HTR7: variants seen among roughly 807,000 people sequenced by gnomAD.
HTR7 encodes the protein 5-hydroxytryptamine receptor 7.
A neutral mutation model predicts 34.0 loss-of-function variants in HTR7; 16 were observed. The observed-to-expected ratio is 0.47, with a 90% CI of 0.32 to 0.71. The LOEUF is 0.71. Among genes scored for constraint, HTR7 ranks in the 30% least tolerant of loss-of-function variants. The pLI, the probability that HTR7 is intolerant of heterozygous loss-of-function variation, is 0.04. For synonymous variants in HTR7, 265 were observed against 260.2 expected, an observed-to-expected ratio of 1.02 and a Z score of -0.18; for missense variants, 504 against 625.5, an observed-to-expected ratio of 0.81 and a Z score of 2.07.
chr10:90,812,990 A>G (rs1845839365), intron 1 of HTR7, among the ~76,000 whole-genome samples: 1 of 152,062 alleles, frequency 6.6e-6, no homozygotes, highest in Non-Finnish European at 1.5e-5. Flanking sequence ...AACTGATGAC[A>G]TTGTCTTGTG....
At chr10:90,818,662 C>T (rs1042473528) in intron 1 of HTR7, among the ~76,000 whole-genome samples, 1 of 152,114 alleles carries the variant, frequency 6.6e-6, no homozygotes. Flanking sequence ...CACAAAGGCC[C>T]CCACTAGATG....
intron 1 of HTR7, among the ~76,000 whole-genome samples, chr10:90,782,818 T>C (rs1845324579): frequency 6.6e-6 from 1 of 152,222 alleles, no homozygotes; most frequent in South Asian, 2.1e-4. Context: ...CGCTTCATTT[T>C]TGAGGTGTTT....
At chr10:90,846,715 A>G (rs1449139601) in intron 1 of HTR7, among the ~76,000 whole-genome samples, 1 of 152,218 alleles carries the variant, frequency 6.6e-6, no homozygotes, top group Non-Finnish European at 1.5e-5. Flanking sequence ...TTCTACTAAC[A>G]TCTCTCAAGC....
intron 1 of HTR7, among the ~76,000 whole-genome samples, chr10:90,799,356 TG>T (rs1429524824): frequency 1.3e-5 from 2 of 151,938 alleles, no homozygotes; most frequent in African/African-American, 4.8e-5. Context: ...AATGAATGAA[TG>T]AATGAATGAA....
intron 1 of HTR7, among the ~76,000 whole-genome samples, chr10:90,797,569 T>TAA (rs1413167104): frequency 6.6e-6 from 1 of 152,224 alleles, no homozygotes; most frequent in Non-Finnish European, 1.5e-5. Context: ...TTTGGGAAGG[T>TAA]GTTTACAAGA....
At chr10:90,780,257 C>G (rs549200676) in intron 1 of HTR7, among the ~76,000 whole-genome samples, 2 of 151,978 alleles carry the variant, frequency 1.3e-5, no homozygotes, top group African/African-American at 4.8e-5. Flanking sequence ...AAAATTCGGC[C>G]GGGCGCGGTG....
chr10:90,760,344 G>C (rs1012056654), intron 1 of HTR7, among the ~76,000 whole-genome samples: 3 of 152,094 alleles, frequency 2.0e-5, no homozygotes, highest in African/African-American at 7.2e-5. Context: ...GGCTGGGAAG[G>C]GTAGGAGGAA....
At chr10:90,805,429 C>T (rs1303505881) in intron 1 of HTR7, among the ~76,000 whole-genome samples, 1 of 152,160 alleles carries the variant, frequency 6.6e-6, no homozygotes, top group Non-Finnish European at 1.5e-5. Flanking sequence ...TGTAAATGCA[C>T]CTCTGTCTCT....
At chr10:90,820,820 T>G (rs1186074142) in intron 1 of HTR7, among the ~76,000 whole-genome samples, 1 of 152,146 alleles carries the variant, frequency 6.6e-6, no homozygotes, top group Non-Finnish European at 1.5e-5. Context: ...TGAAAAATAG[T>G]AAGTGGAACC....
At chr10:90,752,061 A>C (rs1207844095) in intron 1 of HTR7, among the ~76,000 whole-genome samples, 1 of 152,136 alleles carries the variant, frequency 6.6e-6, no homozygotes, top group Non-Finnish European at 1.5e-5. Flanking sequence ...TATTTCATAA[A>C]CTCTGTTCTA....
At chr10:90,798,502 C>T (rs1845574982) in intron 1 of HTR7, among the ~76,000 whole-genome samples, 1 of 152,098 alleles carries the variant, frequency 6.6e-6, no homozygotes, top group South Asian at 2.1e-4. Context: ...ATCACTTGAG[C>T]CCAAGAGTTC....
chr10:90,790,351 A>G (rs1845444359), intron 1 of HTR7, among the ~76,000 whole-genome samples: 3 of 152,048 alleles, frequency 2.0e-5, no homozygotes, highest in Admixed American at 2.0e-4. Flanking sequence ...ATATATTTGA[A>G]CTCCTTAAAA....
intron 2 of HTR7, among the ~76,000 whole-genome samples, chr10:90,746,104 G>A (rs1015231022): frequency 6.6e-6 from 1 of 152,092 alleles, no homozygotes; most frequent in African/African-American, 2.4e-5. Flanking sequence ...ATGACTGTGG[G>A]GGAAATCATT....
intron 1 of HTR7, among the ~76,000 whole-genome samples, chr10:90,773,008 C>T (rs1198329561): frequency 6.6e-6 from 1 of 152,216 alleles, no homozygotes; most frequent in Non-Finnish European, 1.5e-5. Context: ...AACCAATACA[C>T]ACACACATAA....
intron 1 of HTR7, among the ~76,000 whole-genome samples, chr10:90,841,571 T>G (rs1254901925): frequency 6.6e-6 from 1 of 152,212 alleles, no homozygotes; most frequent in Non-Finnish European, 1.5e-5. Context: ...CTAAGGGTTT[T>G]AGATGAGACT....
At chr10:90,813,265 T>C (rs1179988405) in intron 1 of HTR7, among the ~76,000 whole-genome samples, 1 of 152,120 alleles carries the variant, frequency 6.6e-6, no homozygotes, top group Non-Finnish European at 1.5e-5. Flanking sequence ...ATGAAACCTA[T>C]AATACCAGCA....
At chr10:90,831,639 G>A (rs546932492) in intron 1 of HTR7, among the ~76,000 whole-genome samples, 1 of 152,326 alleles carries the variant, frequency 6.6e-6, no homozygotes, top group Admixed American at 6.5e-5. Flanking sequence ...ACAACCTGCG[G>A]ATTGGTCCAT....
chr10:90,853,108 C>T (rs1425288382), intron 1 of HTR7, among the ~76,000 whole-genome samples: 1 of 151,992 alleles, frequency 6.6e-6, no homozygotes, highest in African/African-American at 2.4e-5. Flanking sequence ...ATATATACTA[C>T]TGATTACACC....
chr10:90,794,382 CACTCT>C (rs1350816119), intron 1 of HTR7, among the ~76,000 whole-genome samples: 20 of 152,302 alleles, frequency 1.3e-4, no homozygotes, highest in African/African-American at 4.6e-4. Context: ...AGAAGGAGTA[CACTCT>C]AAAATAACAA....
Sources: gnomAD v4.1 joint callset for allele counts (sites outside exome capture counted in the v4.1 genomes callset) on GRCh38, gnomAD v4.1.1 for gene constraint, MANE v1.5 for transcripts, NCBI Gene and HGNC (gene_info 2026-07-23, HGNC 2026-07-21) for gene names.